Variants in MAPK6 observed in about 807,000 individuals in gnomAD.
The protein encoded by MAPK6 is mitogen-activated protein kinase 6, also known as ERK-3.
MAPK6 carries 19 observed loss-of-function variants against 59.3 expected under a neutral mutation model. The observed-to-expected ratio is 0.32, with a 90% CI of 0.22 to 0.47. MAPK6 has a LOEUF of 0.47. MAPK6 is among the 20% of genes least tolerant of loss of function. MAPK6 has a pLI of 1.00. For synonymous variants in MAPK6, 316 were observed against 290.3 expected, an observed-to-expected ratio of 1.09 and a Z score of -0.90; for missense variants, 724 against 847.9, an observed-to-expected ratio of 0.85 and a Z score of 1.81.
chr15:51,993,687 A>C (rs1041430490), intron 2 of MAPK6, among the ~76,000 whole-genome samples: 2 of 152,192 alleles, frequency 1.3e-5, no homozygotes, highest in Non-Finnish European at 2.9e-5. Context: ...CATATATTTC[A>C]TATATTCCCT....
In MAPK6 at chr15:51,989,172, C is replaced by T. The variant is rs958689423; in HGVS notation, c.-770+5857C>T. ...TTGGCTCACTGTAACCTCTGCTTTC[C>T]GGGTTCAAGCAATTCTCCCACCTCA... On this transcript the variant is annotated intron_variant, in intron 2 of 7. Coordinates refer to the MAPK6 transcript ENST00000691380. 2.6e-5 allele frequency among the ~76,000 whole-genome samples: 4 copies of T among 151,298 alleles called. 1 individual carries two copies. Among genetic ancestry groups the T allele is most frequent in the African/African-American group, 7.3e-5 (3 of 41,240 alleles).
At chr15:52,004,578 G>C (rs2057252089) in intron 3 of MAPK6, among the ~76,000 whole-genome samples, 1 of 152,048 alleles carries the variant, frequency 6.6e-6, no homozygotes, top group South Asian at 2.1e-4. Context: ...AATTTATTTG[G>C]CTCACAGTTG....
intron 3 of MAPK6, among the ~76,000 whole-genome samples, chr15:52,007,041 A>G (rs1280904410): frequency 6.6e-6 from 1 of 152,168 alleles, no homozygotes; most frequent in Non-Finnish European, 1.5e-5. Context: ...TGACTTTGAG[A>G]CTATAGAACT....
upstream of MAPK6, among the ~76,000 whole-genome samples, chr15:52,016,070 G>GCGCGCAAACACACACACACACA: frequency 1.8e-5 from 1 of 55,392 alleles, no homozygotes; most frequent in Non-Finnish European, 3.4e-5. Flanking sequence ...GCGCGCGCGC[G>GCGCGCAAACACACACACACACA]CACACACACA....
chr15:52,023,289 T>G (rs1286612482), intron 1 of MAPK6, among the ~76,000 whole-genome samples: 1 of 152,168 alleles, frequency 6.6e-6, no homozygotes, highest in African/African-American at 2.4e-5. Flanking sequence ...AGAAGATGCC[T>G]CAGAAGTAAA....
At chr15:52,052,043 T>TTGTTGCGG (rs754694115) in intron 3 of MAPK6, among the ~76,000 whole-genome samples, 8 of 152,226 alleles carry the variant, frequency 5.3e-5, no homozygotes, top group Non-Finnish European at 1.2e-4. Flanking sequence ...ACAATTCTGT[T>TTGTTGCGG]TGTTGCGGTG....
chr15:52,057,707 A>T (rs1420305443), intron 3 of MAPK6, among the ~76,000 whole-genome samples: 2 of 152,066 alleles, frequency 1.3e-5, no homozygotes. Context: ...TTGCCTGGCT[A>T]ATTTTTGTAT....
intron 1 of MAPK6, among the ~76,000 whole-genome samples, chr15:51,976,619 TGA>T (rs1156316810): frequency 2.0e-5 from 3 of 151,822 alleles, no homozygotes; most frequent in African/African-American, 7.2e-5. Context: ...TAAACAATTC[TGA>T]GAGTTAGAAC....
chr15:52,057,871 T>G (rs1004754528), intron 3 of MAPK6, among the ~76,000 whole-genome samples: 1 of 152,228 alleles, frequency 6.6e-6, no homozygotes, highest in African/African-American at 2.4e-5. Context: ...AGACCTACTT[T>G]ACAGAATTAT....
At chr15:52,005,673 G>A (rs1409093436) in intron 3 of MAPK6, among the ~76,000 whole-genome samples, 3 of 152,150 alleles carry the variant, frequency 2.0e-5, no homozygotes, top group Middle Eastern at 3.2e-3. Flanking sequence ...ATTATCTCAT[G>A]TATTCCTTGG....
chr15:52,026,863 A>C (rs1356625424), intron 1 of MAPK6, among the ~76,000 whole-genome samples: 1 of 126,144 alleles, frequency 7.9e-6, no homozygotes, highest in East Asian at 2.5e-4. Flanking sequence ...TAGCCTGGCC[A>C]ACATGATGAA....
intron 3 of MAPK6, among the ~76,000 whole-genome samples, chr15:52,053,936 C>G (rs2031871696): frequency 6.6e-6 from 1 of 151,970 alleles, no homozygotes; most frequent in Non-Finnish European, 1.5e-5. Context: ...TATGCCAGGC[C>G]TGAAACAAGA....
At chr15:52,035,473 A>C (rs1474723668) in intron 1 of MAPK6, 1 of 151,990 alleles carries the variant, frequency 6.6e-6, no homozygotes, top group East Asian at 1.9e-4. Context: ...AAAATACAAA[A>C]ATTAGCCAGG....
intron 3 of MAPK6, chr15:52,056,917 A>T (rs114574010): frequency 6.6e-6 from 1 of 152,142 alleles, no homozygotes; most frequent in African/African-American, 2.4e-5. Flanking sequence ...CCTTAACTCA[A>T]TATCTCCACT....
In MAPK6 at chr15:52,063,891, A is replaced by G. The variant is rs1255008541; in HGVS notation, c.1068-11A>G. 3 of 1,532,030 alleles carry G rather than the reference A, an allele frequency of 2.0e-6. No homozygotes were observed. Among genetic ancestry groups the G allele is most frequent in the East Asian group, 4.5e-5 (2 of 44,208 alleles). 94.9% of individuals were successfully genotyped at this position (1,532,030 alleles called of 1,614,324 possible). ...TACGTAGAATAACGCTAGTGTATTGATTTTTTTCAGGTATCATGATTGTCA... is the reference window on the plus strand; with the variant it reads ...TACGTAGAATAACGCTAGTGTATTGGTTTTTTTCAGGTATCATGATTGTCA... On this transcript the variant is annotated splice_polypyrimidine_tract_variant and intron_variant, in intron 5 of 5. Coordinates refer to ENST00000261845, the MANE Select transcript of MAPK6 (RefSeq NM_002748.4).
Position 52,066,262 on chromosome 15 carries a change from T to C in MAPK6, c.*1262T>C, listed in dbSNP as rs1028424391. The C allele has an allele frequency of 6.6e-6, 1 of 152,280 alleles. No homozygotes were observed. Among genetic ancestry groups the C allele is most frequent in the Admixed American group, 6.5e-5 (1 of 15,282 alleles). The allele number at this position is 152,280 out of a possible 1,614,324, so 9.4% of individuals were successfully genotyped here. On this transcript the variant is annotated 3_prime_UTR_variant, in exon 6 of 6. Transcript: ENST00000261845. ...GGACAAATAAAACATGGCCAGCAAA[T>C]ACAGCTCCTGTTTCACTCTTGGGTT... is the stretch of plus-strand genomic sequence containing the variant.
rs1444385148 is a variant in MAPK6, at chr15:52,061,357, A to ATCTTC, written c.924_925insTCTTC (p.Glu309SerfsTer10). On this transcript the variant is annotated frameshift_variant, in exon 5 of 6. Transcript: ENST00000261845. LOFTEE classifies it high-confidence loss of function. ...GCCCCATGGATCGGTTAACAGCAGA[A>ATCTTC]GAAGCACTCTCCCATCCTTACATGA... is the stretch of plus-strand genomic sequence containing the variant. 1 of 1,614,138 alleles carries ATCTTC rather than the reference A, an allele frequency of 6.2e-7. No individual in the cohort carries two copies. The highest frequency in any genetic ancestry group is 8.5e-7 in the Non-Finnish European group (1 of 1,179,988).
At chr15:51,983,349 G>T (rs1442140334) in intron 2 of MAPK6, among the ~76,000 whole-genome samples, 3 of 151,886 alleles carry the variant, frequency 2.0e-5, no homozygotes, top group Admixed American at 2.0e-4. Context: ...AGCTGGAAGT[G>T]GTGGCCTGTA....
upstream of MAPK6, among the ~76,000 whole-genome samples, chr15:52,016,738 A>G (rs865889066): frequency 6.6e-6 from 1 of 152,244 alleles, no homozygotes; most frequent in South Asian, 2.1e-4. Flanking sequence ...CCCTCACTGA[A>G]AAACCAGTCT....
Sources: gnomAD v4.1 joint callset for allele counts (sites outside exome capture counted in the v4.1 genomes callset) on GRCh38, gnomAD v4.1.1 for gene constraint, MANE v1.5 for transcripts, NCBI Gene and HGNC (gene_info 2026-07-23, HGNC 2026-07-21) for gene names.